PRKCH: variants seen among roughly 807,000 people sequenced by gnomAD.
PRKCH encodes protein kinase C eta.
Under a neutral mutation model 82.5 loss-of-function variants are expected in PRKCH, and 28 were observed. The ratio of observed to expected loss-of-function variants is 0.34; its 90% CI spans 0.25 to 0.47. The LOEUF is 0.47. Among genes scored for constraint, PRKCH ranks in the 20% least tolerant of loss-of-function variants. The probability of loss-of-function intolerance (pLI) is 1.00; values close to 1 mark genes in which losing one functional copy is unlikely to be tolerated. For missense variants in PRKCH, 705 were observed against 881.8 expected, an observed-to-expected ratio of 0.80 and a Z score of 2.54; for synonymous variants, 322 against 327.4, an observed-to-expected ratio of 0.98 and a Z score of 0.18.
chr14:61,534,123 G>A (rs2043077407), intron 12 of PRKCH, among the ~76,000 whole-genome samples: 1 of 152,194 alleles, frequency 6.6e-6, no homozygotes. Flanking sequence ...TGCTGATGAG[G>A]ATGTAAAATG....
intron 9 of PRKCH, among the ~76,000 whole-genome samples, chr14:61,466,865 A>G (rs897055853): frequency 6.6e-5 from 10 of 152,286 alleles, no homozygotes; most frequent in African/African-American, 2.4e-4. Flanking sequence ...GCAGGACCAT[A>G]GCTTTCCGTA....
At chr14:61,500,298 A>G (rs1164715299) in intron 10 of PRKCH, among the ~76,000 whole-genome samples, 2 of 151,884 alleles carry the variant, frequency 1.3e-5, no homozygotes, top group African/African-American at 4.8e-5. Flanking sequence ...CCTGGGCTCA[A>G]ACCATCCTCC....
In PRKCH at chr14:61,189,744, C is replaced by CTT. The variant is rs141455419; in HGVS notation, c.-19+2085_-19+2086dup. ...GTTGCTTTCTTTTAGGAAGTTTGACCTTTTTTTTTTCCTCTCTCATCACTC... is the reference window on the plus strand; with the variant it reads ...GTTGCTTTCTTTTAGGAAGTTTGACCTTTTTTTTTTTTCCTCTCTCATCACTC... On this transcript the variant is annotated intron_variant, in intron 1 of 3. Coordinates refer to the PRKCH transcript ENST00000555185. Among the ~76,000 whole-genome samples the CTT allele has an allele frequency of 1.4e-5, 2 of 147,836 alleles. 1 individual carries two copies. The highest frequency in any genetic ancestry group is 4.3e-4 in the South Asian group (2 of 4,648).
chr14:61,267,055 ATTC>A (rs2045109532), intron 1 of PRKCH, among the ~76,000 whole-genome samples: 1 of 152,190 alleles, frequency 6.6e-6, no homozygotes, highest in East Asian at 1.9e-4. Flanking sequence ...CATGTTTTCC[ATTC>A]TTGGCGGAGA....
intron 1 of PRKCH, chr14:61,281,386 G>A (rs926209798): frequency 2.7e-5 from 9 of 338,230 alleles, no homozygotes; most frequent in African/African-American, 1.5e-4. Flanking sequence ...CTGCACCCCC[G>A]CGGGTCACCG....
intron 1 of PRKCH, among the ~76,000 whole-genome samples, chr14:61,343,228 C>A (rs1032535201): frequency 6.6e-6 from 1 of 151,932 alleles, no homozygotes; most frequent in African/African-American, 2.4e-5. Flanking sequence ...AGGCTAGTGT[C>A]CTGTCTGGAG....
intron 1 of PRKCH, among the ~76,000 whole-genome samples, chr14:61,390,386 A>AGC (rs1395615880): frequency 6.6e-6 from 1 of 152,214 alleles, no homozygotes; most frequent in African/African-American, 2.4e-5. Flanking sequence ...AATTAAGAGT[A>AGC]GCAGTCCGAC....
chr14:61,217,300 G>A (rs1372893548), intron 1 of PRKCH, among the ~76,000 whole-genome samples: 1 of 152,156 alleles, frequency 6.6e-6, no homozygotes, highest in Non-Finnish European at 1.5e-5. Context: ...GGCTAAGGCA[G>A]GAGGATCAGT....
At chr14:61,503,677 T>C (rs1242196402) in intron 10 of PRKCH, among the ~76,000 whole-genome samples, 29 of 152,090 alleles carry the variant, frequency 1.9e-4, no homozygotes. Flanking sequence ...GAAGGCTGAG[T>C]GTAATCTTTG....
rs1320334402 is a variant in PRKCH, at chr14:61,453,219, C to A, written c.833-7C>A. ...GAACATGGATTCTGTTTTCCTTTTC[C>A]CTCTAGTATGTAAAATGAATGTGCA... On this transcript the variant is annotated splice_polypyrimidine_tract_variant and splice_region_variant and intron_variant, in intron 6 of 13. Coordinates refer to ENST00000332981, the MANE Select transcript of PRKCH (RefSeq NM_006255.5). The A allele has an allele frequency of 6.2e-7, 1 of 1,613,880 alleles. No individual in the cohort carries two copies. Among genetic ancestry groups the A allele is most frequent in the African/African-American group, 1.3e-5 (1 of 74,882 alleles).
chr14:61,190,331 G>A (rs2044398943), intron 1 of PRKCH, among the ~76,000 whole-genome samples: 1 of 152,100 alleles, frequency 6.6e-6, no homozygotes, highest in East Asian at 1.9e-4. Context: ...ACAGTCCTTC[G>A]ACTTAAATAT....
intron 9 of PRKCH, among the ~76,000 whole-genome samples, chr14:61,465,438 A>G (rs1259135160): frequency 1.3e-5 from 2 of 152,136 alleles, no homozygotes; most frequent in African/African-American, 4.8e-5. Context: ...ATTCTTCTGC[A>G]TGTAGATATC....
intron 1 of PRKCH, among the ~76,000 whole-genome samples, chr14:61,332,819 T>C (rs141468528): frequency 3.5e-4 from 53 of 152,338 alleles, no homozygotes; most frequent in African/African-American, 1.2e-3. Flanking sequence ...TCTCCACCTC[T>C]CGTGTCGCAA....
At chr14:61,483,308 C>T (rs1481239647) in intron 9 of PRKCH, among the ~76,000 whole-genome samples, 2 of 152,230 alleles carry the variant, frequency 1.3e-5, no homozygotes, top group Non-Finnish European at 2.9e-5. Context: ...AGCCATTGCT[C>T]ATCAAAGCTT....
chr14:61,483,236 G>A (rs753395807), intron 9 of PRKCH, among the ~76,000 whole-genome samples: 5 of 152,164 alleles, frequency 3.3e-5, no homozygotes, highest in African/African-American at 7.2e-5. Context: ...TATATCCTCC[G>A]CCCAACCTGT....
At chr14:61,398,554 C>A (rs2046818302) in intron 2 of PRKCH, among the ~76,000 whole-genome samples, 1 of 152,078 alleles carries the variant, frequency 6.6e-6, no homozygotes, top group Non-Finnish European at 1.5e-5. Flanking sequence ...ATGGTTGGCC[C>A]ACAAATAAAA....
At chr14:61,523,130 C>T (rs2042925700) in intron 10 of PRKCH, among the ~76,000 whole-genome samples, 2 of 146,536 alleles carry the variant, frequency 1.4e-5, no homozygotes, top group African/African-American at 4.9e-5. Context: ...ATGCTAGTTC[C>T]TCCTCCTCAG....
chr14:61,384,675 T>A (rs1469565113), intron 1 of PRKCH, among the ~76,000 whole-genome samples: 2 of 152,048 alleles, frequency 1.3e-5, no homozygotes, highest in Non-Finnish European at 2.9e-5. Flanking sequence ...AAGGGGTTAC[T>A]TGGCATGAGA....
chr14:61,420,913 G>A (rs1200786126), intron 2 of PRKCH, among the ~76,000 whole-genome samples: 1 of 151,994 alleles, frequency 6.6e-6, no homozygotes, highest in Non-Finnish European at 1.5e-5. Context: ...TAGGAACTTG[G>A]GTAAGGGACC....
Sources: allele counts gnomAD v4.1 joint callset (sites outside exome capture counted in the v4.1 genomes callset), GRCh38; gene constraint gnomAD v4.1.1; transcripts MANE v1.5; gene names NCBI Gene and HGNC (gene_info 2026-07-23, HGNC 2026-07-21).